The following ANKS1A variants were observed in gnomAD, a reference collection of about 807,000 sequenced individuals.
The protein encoded by ANKS1A is ankyrin repeat and SAM domain-containing protein 1A.
In ANKS1A, 55 loss-of-function variants were observed where a neutral mutation model predicts 120.3. That is an observed-to-expected ratio of 0.46 (90% CI 0.37 to 0.57). ANKS1A has a LOEUF of 0.57. Ranked by LOEUF, ANKS1A falls within the 20% of genes least tolerant of loss-of-function variation. The pLI is 0.00. For synonymous variants in ANKS1A, 590 were observed against 604.7 expected (o/e 0.98, Z 0.36); for missense variants, 1,123 against 1,480.3 (o/e 0.76, Z 3.96).
chr6:34,960,826 A>G (rs1000334137), intron 1 of ANKS1A, among the ~76,000 whole-genome samples: 1 of 152,180 alleles, frequency 6.6e-6, no homozygotes, highest in African/African-American at 2.4e-5. Flanking sequence ...GTTTCCATGA[A>G]TGATTTAAGT....
At chr6:34,896,126 G>A (rs1428371453) in intron 1 of ANKS1A, among the ~76,000 whole-genome samples, 1 of 149,980 alleles carries the variant, frequency 6.7e-6, no homozygotes, top group Admixed American at 6.7e-5. Flanking sequence ...CTGGAGTACA[G>A]TGGTGCAATC....
At chr6:35,035,844 C>A (rs1345762518) in intron 11 of ANKS1A, among the ~76,000 whole-genome samples, 2 of 152,208 alleles carry the variant, frequency 1.3e-5, no homozygotes, top group African/African-American at 4.8e-5. Flanking sequence ...CATTCAGAAA[C>A]CAGGCCTTTT....
intron 11 of ANKS1A, chr6:35,038,157 C>A: frequency 2.2e-6 from 1 of 456,436 alleles, no homozygotes; most frequent in Non-Finnish European, 4.4e-6. Flanking sequence ...ACCCGCACCC[C>A]CATCTTGTCC....
intron 13 of ANKS1A, among the ~76,000 whole-genome samples, chr6:35,077,310 A>C (rs924563256): frequency 3.3e-5 from 5 of 152,236 alleles, no homozygotes; most frequent in African/African-American, 1.2e-4. Context: ...TCAACAGGGA[A>C]CTGGCTGAAT....
At position 35,066,666 on chromosome 6, in the gene ANKS1A, G is replaced by A. The variant is rs181835896; in HGVS notation, c.2184+6413G>A. ...GTGACAGATAACAAGGGCCTCAGAA[G>A]TCACCTGCAGAGGCCTTAGGAACTG... On this transcript the variant is annotated intron_variant, in intron 13 of 23. Coordinates refer to ENST00000360359, the MANE Select transcript of ANKS1A (RefSeq NM_015245.3). Among the ~76,000 whole-genome samples, 18 of 152,304 alleles carry A rather than the reference G, an allele frequency of 1.2e-4. No homozygotes were observed. The East Asian group carries it at 3.3e-3, about 28-fold the overall frequency.
At chr6:34,893,269 C>T (rs1766912779) in intron 1 of ANKS1A, among the ~76,000 whole-genome samples, 1 of 152,110 alleles carries the variant, frequency 6.6e-6, no homozygotes, top group Admixed American at 6.6e-5. Flanking sequence ...TGTGTTGCAC[C>T]TGTTCTGTGC....
intron 1 of ANKS1A, among the ~76,000 whole-genome samples, chr6:34,952,809 A>T (rs922911771): frequency 1.2e-4 from 18 of 151,750 alleles, no homozygotes; most frequent in African/African-American, 3.9e-4. Context: ...TCCCGGGTTC[A>T]AGTGATTCTC....
chr6:34,990,915 C>T (rs1009809743), intron 9 of ANKS1A, among the ~76,000 whole-genome samples: 3 of 152,150 alleles, frequency 2.0e-5, no homozygotes, highest in South Asian at 2.1e-4. Context: ...AGAGGTGATA[C>T]GGCCTGCATA....
chr6:35,053,170 G>C (rs912488842), intron 11 of ANKS1A, among the ~76,000 whole-genome samples: 1 of 152,220 alleles, frequency 6.6e-6, no homozygotes, highest in African/African-American at 2.4e-5. Flanking sequence ...TGGTACAAAA[G>C]GTCCTCTTTT....
intron 1 of ANKS1A, among the ~76,000 whole-genome samples, chr6:34,928,000 C>T (rs115002206): frequency 3.5e-3 from 527 of 152,288 alleles, no homozygotes; most frequent in Non-Finnish European, 6.7e-3. Context: ...GTATCCAGCT[C>T]CACCTGGTCC....
intron 11 of ANKS1A, among the ~76,000 whole-genome samples, chr6:35,030,244 C>T (rs1374030599): frequency 6.6e-6 from 1 of 152,182 alleles, no homozygotes; most frequent in Non-Finnish European, 1.5e-5. Flanking sequence ...TAACTGCAGA[C>T]AAAAATATTG....
chr6:34,984,685 C>T (rs148775656), intron 7 of ANKS1A, among the ~76,000 whole-genome samples: 21 of 152,154 alleles, frequency 1.4e-4, no homozygotes, highest in African/African-American at 2.2e-4. Flanking sequence ...AAAGCCTTTG[C>T]CGTCCTCTAT....
Position 35,079,575 on chromosome 6 carries a change from C to T in ANKS1A, c.2343C>T (p.Ser781=). ...CTAGCGTGCCCTCCTGGCTGGACTC[C>T]CTGGGGCTGCAGGACTACGTCCATT... ...SPPSVPSWLD[S]LGLQDYVHSF... Residue 781 remains serine (S), a synonymous_variant, in exon 15 of 24, where the codon TCC becomes TCT. Coordinates refer to ENST00000360359, the MANE Select transcript of ANKS1A (RefSeq NM_015245.3). 1 of 1,614,140 alleles carries T rather than the reference C, an allele frequency of 6.2e-7. No homozygotes were observed. The highest frequency in any genetic ancestry group is 8.5e-7 in the Non-Finnish European group (1 of 1,180,008).
At chr6:34,906,217 G>A (rs1235510010) in intron 1 of ANKS1A, among the ~76,000 whole-genome samples, 1 of 152,184 alleles carries the variant, frequency 6.6e-6, no homozygotes, top group Admixed American at 6.5e-5. Context: ...GCATCAGTGT[G>A]TCTTAAAACA....
At position 34,983,193 on chromosome 6, in the gene ANKS1A, C is replaced by A. The variant is rs752340630; in HGVS notation, c.889C>A (p.Gln297Lys). 1.8e-5 allele frequency: 29 copies of A among 1,614,036 alleles called. No homozygotes were observed. The highest frequency in any genetic ancestry group is 2.4e-5 in the Non-Finnish European group (28 of 1,180,030). The change falls in exon 6 of 24, where the codon CAA becomes AAA. Residue 297 changes from glutamine to lysine, a missense_variant. By Grantham distance (53) the Gln-to-Lys change is moderately conservative. Coordinates refer to ENST00000360359, the MANE Select transcript of ANKS1A (RefSeq NM_015245.3). ...VRELPSQKSQ[Q>K]IAALIEDHMT... ...GGAACTGCCTTCTCAAAAGAGCCAG[C>A]AAATAGCAGCATTAATTGAAGGTAT... is the stretch of plus-strand genomic sequence containing the variant.
At chr6:34,940,583 G>C (rs1172633801) in intron 1 of ANKS1A, among the ~76,000 whole-genome samples, 2 of 152,110 alleles carry the variant, frequency 1.3e-5, no homozygotes. Flanking sequence ...AAGATTAGTA[G>C]TGCTATTGAG....
At chr6:34,994,973 C>T (rs903455342) in intron 10 of ANKS1A, among the ~76,000 whole-genome samples, 12 of 152,220 alleles carry the variant, frequency 7.9e-5, no homozygotes, top group African/African-American at 2.9e-4. Flanking sequence ...TGAGATCCAG[C>T]CCGTCGATAT....
At chr6:35,054,955 C>T (rs1776133692) in intron 12 of ANKS1A, among the ~76,000 whole-genome samples, 1 of 152,360 alleles carries the variant, frequency 6.6e-6, no homozygotes, top group South Asian at 2.1e-4. Flanking sequence ...GGCCTGTCTT[C>T]ACCTTCATGG....
intron 17 of ANKS1A, among the ~76,000 whole-genome samples, chr6:35,081,810 C>T (rs1270271427): frequency 6.6e-6 from 1 of 152,200 alleles, no homozygotes; most frequent in African/African-American, 2.4e-5. Flanking sequence ...TACTCAGGAC[C>T]TGCCTGTCCT....
Sources: allele counts gnomAD v4.1 joint callset (sites outside exome capture counted in the v4.1 genomes callset), GRCh38; gene constraint gnomAD v4.1.1; transcripts MANE v1.5; gene names NCBI Gene and HGNC (gene_info 2026-07-23, HGNC 2026-07-21).